PRSS55: variants seen among roughly 807,000 people sequenced by gnomAD.
PRSS55 encodes the protein serine protease 55.
In PRSS55, 41 loss-of-function variants were observed where a neutral mutation model predicts 23.6. The ratio of observed to expected loss-of-function variants is 1.74; its 90% CI spans 1.35 to 2.26. The LOEUF (loss-of-function observed/expected upper bound fraction) is 2.26, where lower values mean the gene tolerates loss of function less well. Ranked by LOEUF, PRSS55 falls within the 30% of genes most tolerant of loss-of-function variation. The pLI, the probability that PRSS55 is intolerant of heterozygous loss-of-function variation, is 0.00. For synonymous variants in PRSS55, 262 were observed against 175.5 expected (o/e 1.49, Z -3.90); for missense variants, 669 against 439.1 (o/e 1.52, Z -4.68).
intron 4 of PRSS55, among the ~76,000 whole-genome samples, chr8:10,553,522 T>C (rs1812996327): frequency 6.6e-6 from 1 of 152,178 alleles, no homozygotes; most frequent in African/African-American, 2.4e-5. Context: ...TAGAGGACAT[T>C]AGACTAAGTG....
At chr8:10,538,842 G>T (rs749938283), downstream of PRSS55, 17 of 1,490,108 alleles carry the variant, frequency 1.1e-5, no homozygotes, top group Non-Finnish European at 1.4e-5. Flanking sequence ...GCATGCAAGT[G>T]CGTCTCCAGC....
chr8:10,548,188 A>C (rs932342460), intron 4 of PRSS55, among the ~76,000 whole-genome samples: 5 of 152,112 alleles, frequency 3.3e-5, no homozygotes, highest in African/African-American at 1.2e-4. Flanking sequence ...GGGCTCAGGC[A>C]GCGAGCGCTC....
chr8:10,529,282 T>A (rs2117013624), intron 1 of PRSS55: 1 of 588,082 alleles, frequency 1.7e-6, no homozygotes, highest in South Asian at 2.0e-5. Context: ...TCAGAGCCAA[T>A]GCTTCTGACT....
Position 10,538,779 on chromosome 8 carries a change from G to T in PRSS55, c.1045G>T (p.Ala349Ser), listed in dbSNP as rs574206262. The T allele has an allele frequency of 9.0e-5, 142 of 1,581,066 alleles. 1 individual carries two copies. The South Asian group carries it at 1.5e-3, about 17-fold the overall frequency. ...LCPLSHVLFRAILY is the reference protein window; with the variant it reads ...LCPLSHVLFRSILY Reference sequence around the variant, plus strand: ...TCCCCTGTCCCATGTGTTGTTCAGAGCTATTTTGTACTGATAATAAAATAG... The same window carrying T: ...TCCCCTGTCCCATGTGTTGTTCAGATCTATTTTGTACTGATAATAAAATAG... The change falls in exon 5 of 5, where the codon GCT (alanine) becomes TCT (serine). Residue 349 changes from alanine to serine, a missense_variant. Physicochemically the swap from Ala to Ser is moderately conservative, Grantham distance 99. Transcript: ENST00000328655.
At chr8:10,544,133 C>T (rs1430467742) in intron 4 of PRSS55, among the ~76,000 whole-genome samples, 1 of 140,326 alleles carries the variant, frequency 7.1e-6, no homozygotes, top group Non-Finnish European at 1.6e-5. Flanking sequence ...AAGTCTCCAA[C>T]TTCTGTTATT....
chr8:10,553,901 A>G, intron 4 of PRSS55: 1 of 1,346,668 alleles, frequency 7.4e-7, no homozygotes, highest in Non-Finnish European at 1.0e-6. Context: ...CAATAAATAC[A>G]TAAAATTTTT....
Position 10,525,561 on chromosome 8 carries a change from C to T in PRSS55, c.-25C>T, listed in dbSNP as rs369678545. 388 of 1,604,678 alleles carry T rather than the reference C, an allele frequency of 2.4e-4. 1 individual carries two copies. Among genetic ancestry groups the T allele is most frequent in the Middle Eastern group, 5.2e-4 (3 of 5,820 alleles). ...CCTCAGCCCTGGCCTCTGTCACCCC[C>T]GGGCCCACAGCACAGCCCAGGGCCA... On this transcript the variant is annotated 5_prime_UTR_variant, in exon 1 of 5. Transcript: ENST00000328655.
intron 4 of PRSS55, among the ~76,000 whole-genome samples, chr8:10,547,968 G>C (rs1812859229): frequency 6.6e-6 from 1 of 151,060 alleles, no homozygotes; most frequent in African/African-American, 2.4e-5. Flanking sequence ...AGGGAAGAAG[G>C]AGTGTGGGCG....
chr8:10,531,396 G>A lies in PRSS55; in HGVS notation c.449G>A (p.Arg150Lys). The A allele has an allele frequency of 6.2e-7, 1 of 1,614,248 alleles. No individual in the cohort carries two copies. The change falls in exon 3 of 5, where the codon AGA (arginine) becomes AAA (lysine). Residue 150 changes from arginine (R) to lysine (K), a missense_variant. Arg to Lys is a conservative substitution (Grantham distance 26). Coordinates refer to ENST00000328655, the MANE Select transcript of PRSS55 (RefSeq NM_198464.4). ...ATCATTCTTCACAAAGACTTTAAGA[G>A]AGCCAACATGGACAATGACATTGCC... is the stretch of plus-strand genomic sequence containing the variant. Reference protein sequence around the residue: ...ASIILHKDFKRANMDNDIALL... With the variant: ...ASIILHKDFKKANMDNDIALL...
intron 1 of PRSS55, 34 bp downstream of exon 1, chr8:10,525,773 G>C: frequency 6.4e-7 from 1 of 1,553,846 alleles, no homozygotes; most frequent in South Asian, 1.2e-5. Context: ...ATGGATGGGG[G>C]CTCATGGTCC....
chr8:10,544,295 T>C (rs1184154623), intron 4 of PRSS55, among the ~76,000 whole-genome samples: 1 of 152,176 alleles, frequency 6.6e-6, no homozygotes, highest in Non-Finnish European at 1.5e-5. Context: ...TCTAATGAAT[T>C]TTTTGTTTTA....
downstream of PRSS55, among the ~76,000 whole-genome samples, chr8:10,542,032 C>A (rs1249999923): frequency 2.0e-5 from 3 of 152,200 alleles, no homozygotes; most frequent in East Asian, 5.8e-4. Context: ...CTGCCATGGC[C>A]TCCCAAAGTG....
At chr8:10,526,808 A>G (rs1450583035) in intron 1 of PRSS55, among the ~76,000 whole-genome samples, 2 of 152,230 alleles carry the variant, frequency 1.3e-5, no homozygotes, top group Non-Finnish European at 2.9e-5. Flanking sequence ...TCATCCACAC[A>G]TCAGTCTTAT....
chr8:10,549,106 A>T (rs1346860423), intron 4 of PRSS55, among the ~76,000 whole-genome samples: 1 of 152,158 alleles, frequency 6.6e-6, no homozygotes, highest in Non-Finnish European at 1.5e-5. Flanking sequence ...GACAGAAAAC[A>T]TTCGCTTACC....
chr8:10,537,203 A>G (rs563345781), intron 4 of PRSS55, among the ~76,000 whole-genome samples: 6 of 152,370 alleles, frequency 3.9e-5, no homozygotes, highest in African/African-American at 1.4e-4. Flanking sequence ...ACTATTCACA[A>G]TAGCCAAGAT....
intron 4 of PRSS55, among the ~76,000 whole-genome samples, chr8:10,551,540 G>C (rs868013061): frequency 1.3e-5 from 2 of 152,336 alleles, no homozygotes; most frequent in Middle Eastern, 3.4e-3. Context: ...AGCAGATCGA[G>C]GACCAGCTTC....
chr8:10,533,661 T>A (rs1020980588), intron 4 of PRSS55, among the ~76,000 whole-genome samples: 1 of 152,224 alleles, frequency 6.6e-6, no homozygotes, highest in African/African-American at 2.4e-5. Context: ...GGATGAATGA[T>A]GACATTTGTC....
Position 10,538,541 on chromosome 8 carries a change from CAT to C in PRSS55, c.809_810del (p.Ile270LysfsTer87). On this transcript the variant is annotated frameshift_variant, in exon 5 of 5. Coordinates refer to ENST00000328655, the MANE Select transcript of PRSS55 (RefSeq NM_198464.4). LOFTEE classifies it low-confidence loss of function (END_TRUNC). ...GTGAGAAGTGGTACCAGGTGGGCAT[CAT>C]AAGCTGGGGAAAGAGCTGTGGAGAG... ...PGEKWYQVGI[I>X]SWGKSCGEKN... 6.2e-7 allele frequency: 1 copy of C among 1,614,166 alleles called. No individual in the cohort carries two copies. Among genetic ancestry groups the C allele is most frequent in the Non-Finnish European group, 8.5e-7 (1 of 1,180,022 alleles).
intron 1 of PRSS55, among the ~76,000 whole-genome samples, chr8:10,527,751 G>C (rs991649135): frequency 6.6e-6 from 1 of 152,226 alleles, no homozygotes; most frequent in Non-Finnish European, 1.5e-5. Context: ...TAACCTCTCT[G>C]TACGTCAGTT....
Sources: gnomAD v4.1 joint callset for allele counts (sites outside exome capture counted in the v4.1 genomes callset) on GRCh38, gnomAD v4.1.1 for gene constraint, MANE v1.5 for transcripts, NCBI Gene and HGNC (gene_info 2026-07-23, HGNC 2026-07-21) for gene names.